Variants in BROX observed in about 807,000 individuals in gnomAD.
BROX encodes the protein BRO1 domain and CAAX motif containing, also known as BRO1 domain-containing protein BROX.
A neutral mutation model predicts 61.0 loss-of-function variants in BROX; 53 were observed. The observed-to-expected ratio is 0.87, with a 90% CI of 0.70 to 1.09. The LOEUF (loss-of-function observed/expected upper bound fraction) is 1.09. BROX is among the 50% of genes least tolerant of loss of function. The pLI, the probability that BROX is intolerant of heterozygous loss-of-function variation, is 0.00. For missense variants in BROX, 489 were observed against 472.0 expected (o/e 1.04, Z -0.33); for synonymous variants, 152 against 160.2 (o/e 0.95, Z 0.38).
Position 222,732,699 on chromosome 1 carries a change from G to A in BROX, c.1221G>A (p.Gly407=), listed in dbSNP as rs748342706. 6.2e-7 allele frequency: 1 copy of A among 1,611,716 alleles called. No homozygotes were observed. Among genetic ancestry groups the A allele is most frequent in the Non-Finnish European group, 8.5e-7 (1 of 1,178,548 alleles). ...EPDIKPQKDT[G]CYIS is the part of the protein sequence containing the mutation. ...ACATCAAACCTCAAAAGGACACTGG[G>A]TGCTACATCTCCTAAAATACAACTT... Residue 407 remains glycine, a synonymous_variant, in exon 13 of 13, where the codon GGG becomes GGA. Transcript: ENST00000340934.
rs776671671 is a variant in BROX at position 222,730,146 on chromosome 1, C to T, written c.958C>T (p.Leu320=). 2 of 1,609,100 alleles carry T rather than the reference C, an allele frequency of 1.2e-6. No homozygotes were observed. The highest frequency in any genetic ancestry group is 2.2e-5 in the South Asian group (2 of 90,458). ...RKLGNLVKNT[L]EKCQRENGFI... is the part of the protein sequence containing the mutation. ...ACTTGGAAACCTTGTGAAGAACACC[C>T]TAGAAAAATGTCAGAGAGAAAATGG... Residue 320 remains leucine, a synonymous_variant, in exon 11 of 13, where the codon CTA becomes TTA. Transcript: ENST00000340934.
chr1:222,712,835 T>G lies in BROX; in HGVS notation c.-124T>G. 7 of 1,287,292 alleles carry G rather than the reference T, an allele frequency of 5.4e-6. No homozygotes were observed. The highest frequency in any genetic ancestry group is 7.1e-6 in the Non-Finnish European group (7 of 987,468). 79.7% of individuals were successfully genotyped at this position (1,287,292 alleles called of 1,614,324 possible). ...GCGCCGTCCTGGTTTTCCGTCACCC[T>G]GGTTCTGTAGTCTCGGTTCTCCGAC... On this transcript the variant is annotated 5_prime_UTR_variant, in exon 1 of 13. Coordinates refer to ENST00000340934, the MANE Select transcript of BROX (RefSeq NM_144695.4).
intron 7 of BROX, among the ~76,000 whole-genome samples, chr1:222,725,764 G>C (rs569030869): frequency 2.0e-5 from 3 of 151,932 alleles, no homozygotes; most frequent in Non-Finnish European, 4.4e-5. Flanking sequence ...ACAAAAATTA[G>C]CTGGGCATGG....
intron 6 of BROX, 144 bp downstream of exon 6, chr1:222,724,308 T>C (rs1657337212): frequency 1.5e-6 from 1 of 663,242 alleles, no homozygotes; most frequent in African/African-American, 1.8e-5. Flanking sequence ...GTTAAGTATG[T>C]TATTGATGAG....
rs990001574 is a variant in BROX, at chr1:222,712,760, C to G, written c.-199C>G. ...AATACCCGCCCCTGAGCTGCGCGCA[C>G]TACCGCCTCGGTAGCTATCATGGCC... On this transcript the variant is annotated 5_prime_UTR_variant, in exon 1 of 13. Coordinates refer to ENST00000340934, the MANE Select transcript of BROX (RefSeq NM_144695.4). The G allele has an allele frequency of 7.8e-6, 10 of 1,289,932 alleles. No homozygotes were observed. In the South Asian group the frequency reaches 1.2e-4, roughly 16 times the overall value. 79.9% of individuals were successfully genotyped at this position (1,289,932 alleles called of 1,614,324 possible). A position where few individuals can be genotyped will look rare whatever the true frequency, so the allele number is the denominator to read the frequency against.
intron 7 of BROX, among the ~76,000 whole-genome samples, 161 bp from the exon 8 acceptor site, chr1:222,727,007 T>G (rs145704370): frequency 3.3e-5 from 5 of 152,374 alleles, no homozygotes; most frequent in Non-Finnish European, 5.9e-5. Flanking sequence ...AGTGTTTTTT[T>G]GTTAATGTTT....
In BROX at chr1:222,724,072, A is replaced by G. The variant is rs527323819; in HGVS notation, c.402-20A>G. ...AGAAATGGAATTCATCCTCTAACTA[A>G]TGTAACCCCTATCTTTAAGTATAAC... On this transcript the variant is annotated intron_variant, in intron 5 of 12. Transcript: ENST00000340934. 6.4e-7 allele frequency: 1 copy of G among 1,569,596 alleles called. No individual in the cohort carries two copies. Among genetic ancestry groups the G allele is most frequent in the East Asian group, 2.2e-5 (1 of 44,570 alleles).
rs775343242 is a variant in BROX at position 222,722,482 on chromosome 1, C to T, written c.369C>T (p.Thr123=). 2.9e-5 allele frequency: 47 copies of T among 1,612,688 alleles called. No homozygotes were observed. The highest frequency in any genetic ancestry group is 4.0e-5 in the African/African-American group (3 of 74,804). The part of the protein sequence containing the change: ...SMGFNVALWY[T]KYASRLAGKE... Reference sequence around the variant, plus strand: ...GATTTAATGTAGCTTTATGGTATACCAAATATGCTTCAAGACTGGCTGGAA... The same window carrying T: ...GATTTAATGTAGCTTTATGGTATACTAAATATGCTTCAAGACTGGCTGGAA... The change falls in exon 5 of 13, where the codon ACC becomes ACT. Residue 123 remains threonine, a synonymous_variant. Coordinates refer to ENST00000340934, the MANE Select transcript of BROX (RefSeq NM_144695.4).
chr1:222,730,530 A>G (rs1238061714), intron 11 of BROX, among the ~76,000 whole-genome samples: 1 of 152,192 alleles, frequency 6.6e-6, no homozygotes, highest in Non-Finnish European at 1.5e-5. Flanking sequence ...TGGGAAGTCA[A>G]GGCTGCACTG....
rs1380415492 is a variant in BROX, at chr1:222,732,832, G to T, written c.*118G>T. 4 of 771,988 alleles carry T rather than the reference G, an allele frequency of 5.2e-6. No individual in the cohort carries two copies. The highest frequency in any genetic ancestry group is 8.2e-6 in the Non-Finnish European group (4 of 485,078). 47.8% of individuals were successfully genotyped at this position (771,988 alleles called of 1,614,324 possible). On this transcript the variant is annotated 3_prime_UTR_variant, in exon 13 of 13. Coordinates refer to ENST00000340934, the MANE Select transcript of BROX (RefSeq NM_144695.4). ...GTAGAATAACTATTATATTCAGAGGGTTATCTGCCTTCAGCTTACTTGTTC... is the reference window on the plus strand; with the variant it reads ...GTAGAATAACTATTATATTCAGAGGTTTATCTGCCTTCAGCTTACTTGTTC...
At chr1:222,718,521 G>A (rs2125004605) in intron 2 of BROX, among the ~76,000 whole-genome samples, 1 of 152,180 alleles carries the variant, frequency 6.6e-6, no homozygotes, top group Non-Finnish European at 1.5e-5. Flanking sequence ...CATTTTTCAA[G>A]AAACTTATTG....
At chr1:222,715,836 G>T (rs759322783) in intron 2 of BROX, 36 bp downstream of exon 2, 2 of 1,388,254 alleles carry the variant, frequency 1.4e-6, no homozygotes, top group Admixed American at 2.0e-5. Flanking sequence ...TAGATGCAAG[G>T]TACTTTTTTT....
chr1:222,723,986 G>A, intron 5 of BROX, 106 bp from the exon 6 acceptor site: 1 of 757,028 alleles, frequency 1.3e-6, no homozygotes, highest in East Asian at 2.8e-5. Flanking sequence ...AATTAGCAGT[G>A]AGAAACATAA....
chr1:222,729,290 T>C (rs1357184583), intron 9 of BROX, among the ~76,000 whole-genome samples: 2 of 152,190 alleles, frequency 1.3e-5, no homozygotes, highest in Admixed American at 6.5e-5. Context: ...CAGAAACCTT[T>C]TTCAGGTCTG....
intron 6 of BROX, 90 bp from the exon 7 acceptor site, chr1:222,725,360 C>G: frequency 1.2e-6 from 1 of 820,070 alleles, no homozygotes; most frequent in Non-Finnish European, 1.9e-6. Flanking sequence ...AGTTGAATGT[C>G]TCATAACTTT....
chr1:222,733,102 T>A lies in BROX; in HGVS notation c.*388T>A, dbSNP rs1183347726. ...TTTTTTTTTTTTTTTTTTTTTGAGG[T>A]GGAGTCTCCCTCTGTTGCCCAGGCT... is the stretch of plus-strand genomic sequence containing the variant. On this transcript the variant is annotated 3_prime_UTR_variant, in exon 13 of 13. Transcript: ENST00000340934. 1 of 133,792 alleles carries A rather than the reference T, an allele frequency of 7.5e-6. No homozygotes were observed. 8.3% of individuals were successfully genotyped at this position (133,792 alleles called of 1,614,324 possible).
chr1:222,731,177 G>A (rs1395123728), intron 11 of BROX, among the ~76,000 whole-genome samples, 180 bp from the exon 12 acceptor site: 1 of 152,068 alleles, frequency 6.6e-6, no homozygotes. Flanking sequence ...ATCCATGGTA[G>A]CTCCAATTAC....
rs746595790 is a variant in BROX, at chr1:222,729,717, A to G, written c.838+16A>G. ...GCAGAAAAATGTAAGTTTTCCTGCC[A>G]GAATATTAACTCCCCTTTAAAAAAC... On this transcript the variant is annotated intron_variant, in intron 10 of 12. Transcript: ENST00000340934. 5.6e-6 allele frequency: 9 copies of G among 1,601,384 alleles called. No homozygotes were observed. Among genetic ancestry groups the G allele is most frequent in the Non-Finnish European group, 2.6e-6 (3 of 1,169,872 alleles).
intron 12 of BROX, among the ~76,000 whole-genome samples, chr1:222,732,220 T>A (rs1657989562): frequency 6.6e-6 from 1 of 152,148 alleles, no homozygotes; most frequent in Non-Finnish European, 1.5e-5. Flanking sequence ...TCTTAATTAT[T>A]ATTATTATTA....
Sources: gnomAD v4.1 joint callset for allele counts (sites outside exome capture counted in the v4.1 genomes callset) on GRCh38, gnomAD v4.1.1 for gene constraint, MANE v1.5 for transcripts, NCBI Gene and HGNC (gene_info 2026-07-23, HGNC 2026-07-21) for gene names.